The following IQSEC1 variants were observed in gnomAD, a reference collection of about 807,000 sequenced individuals.
IQSEC1 encodes IQ motif and Sec7 domain ArfGEF 1.
A neutral mutation model predicts 91.0 loss-of-function variants in IQSEC1; 31 were observed. The ratio of observed to expected loss-of-function variants is 0.34; its 90% confidence interval spans 0.26 to 0.46. The LOEUF (loss-of-function observed/expected upper bound fraction) is 0.46, where lower values mean the gene tolerates loss of function less well. Among genes scored for constraint, IQSEC1 ranks in the 20% least tolerant of loss-of-function variants. The probability of loss-of-function intolerance (pLI) is 1.00; values close to 1 mark genes in which losing one functional copy is unlikely to be tolerated. For synonymous variants in IQSEC1, 699 were observed against 662.6 expected (o/e 1.05, Z -0.84); for missense variants, 1,388 against 1,575.6 (o/e 0.88, Z 2.02).
intron 1 of IQSEC1, among the ~76,000 whole-genome samples, chr3:13,245,676 A>C (rs1182280692): frequency 6.6e-6 from 1 of 151,862 alleles, no homozygotes; most frequent in African/African-American, 2.4e-5. Context: ...CTGAGGCACG[A>C]GAATCGCTTG....
At chr3:12,910,610 C>T (rs996545264) in intron 10 of IQSEC1, among the ~76,000 whole-genome samples, 3 of 152,208 alleles carry the variant, frequency 2.0e-5, no homozygotes, top group African/African-American at 7.2e-5. Flanking sequence ...GCAGGCATGC[C>T]ATGCCCCTTG....
At chr3:12,980,228 T>C (rs1701387204) in intron 1 of IQSEC1, among the ~76,000 whole-genome samples, 1 of 152,172 alleles carries the variant, frequency 6.6e-6, no homozygotes, top group African/African-American at 2.4e-5. Flanking sequence ...ATGACTCACC[T>C]CCAGGCCACT....
intron 1 of IQSEC1, among the ~76,000 whole-genome samples, chr3:12,976,473 A>T (rs1439343353): frequency 6.6e-6 from 1 of 152,252 alleles, no homozygotes; most frequent in East Asian, 1.9e-4. Context: ...GCCTGGGACC[A>T]GAGCAGAATT....
Position 12,899,113 on chromosome 3 carries a change from T to G in IQSEC1, c.*1870A>C, listed in dbSNP as rs1693947529. 1 of 519,768 alleles carries G rather than the reference T, an allele frequency of 1.9e-6. No individual in the cohort carries two copies. Among genetic ancestry groups the G allele is most frequent in the South Asian group, 2.6e-5 (1 of 38,908 alleles). 32.2% of individuals were successfully genotyped at this position (519,768 alleles called of 1,614,324 possible). On this transcript the variant is annotated 3_prime_UTR_variant, in exon 14 of 14. Transcript: ENST00000613206. Reference sequence around the variant, plus strand: ...CTCTCTCTGGAGATTAACAAAGTGCTTGGTTTGCAGATTTGCTGGTACGGT... The same window carrying G: ...CTCTCTCTGGAGATTAACAAAGTGCGTGGTTTGCAGATTTGCTGGTACGGT...
At chr3:13,018,216 C>T (rs1384969645) in intron 1 of IQSEC1, among the ~76,000 whole-genome samples, 3 of 152,246 alleles carry the variant, frequency 2.0e-5, no homozygotes, top group Admixed American at 6.5e-5. Flanking sequence ...AAGAGGAACG[C>T]CCACTGGCCC....
In IQSEC1 at chr3:12,967,484, G is replaced by A. The variant is rs774307298; in HGVS notation, c.24-25619C>T. On this transcript the variant is annotated intron_variant, in intron 1 of 13. Coordinates refer to ENST00000613206, the MANE Select transcript of IQSEC1 (RefSeq NM_001134382.3). The surrounding 1 kb of genome is among the most constrained non-coding windows in gnomAD (Gnocchi z 5.9). Reference sequence around the variant, plus strand: ...GCAGTGGGAGCGGGCCGGGCCGGGAGCCGGGACCCAGGCCCAGCAGAGGCC... The same window carrying A: ...GCAGTGGGAGCGGGCCGGGCCGGGAACCGGGACCCAGGCCCAGCAGAGGCC... The A allele has an allele frequency of 2.7e-6, 4 of 1,497,832 alleles. No individual in the cohort carries two copies. In the South Asian group the frequency reaches 5.0e-5, roughly 19 times the overall value. 92.8% of individuals were successfully genotyped at this position (1,497,832 alleles called of 1,614,324 possible).
At chr3:12,972,869 T>G (rs1237925184) in intron 1 of IQSEC1, among the ~76,000 whole-genome samples, 1 of 152,148 alleles carries the variant, frequency 6.6e-6, no homozygotes, top group African/African-American at 2.4e-5. Context: ...CTAAGACTGT[T>G]AGATGCAGTA....
chr3:12,938,236 C>G (rs61463921), intron 2 of IQSEC1, among the ~76,000 whole-genome samples: 1 of 152,176 alleles, frequency 6.6e-6, no homozygotes, highest in Non-Finnish European at 1.5e-5. Flanking sequence ...CACATCACAC[C>G]TGGAGGTGGA....
At chr3:13,244,726 T>C (rs1695079670) in intron 1 of IQSEC1, among the ~76,000 whole-genome samples, 1 of 152,190 alleles carries the variant, frequency 6.6e-6, no homozygotes, top group Non-Finnish European at 1.5e-5. Flanking sequence ...GGGAGAGGAC[T>C]GTCAAGGAGT....
Position 12,987,073 on chromosome 3 carries a change from C to T in IQSEC1, c.24-45208G>A, listed in dbSNP as rs534400367. 67 of 388,934 alleles carry T rather than the reference C, an allele frequency of 1.7e-4. No homozygotes were observed. The East Asian group carries it at 4.7e-3, about 27-fold the overall frequency. The allele number at this position is 388,934 out of a possible 1,614,324, so 24.1% of individuals were successfully genotyped here. The stretch of plus-strand genomic sequence containing the variant: ...GCCCACACAGATGAGCTCCCTCAGC[C>T]GTCCCCCATCTGGTGCTGCGGCCAG... On this transcript the variant is annotated intron_variant, in intron 1 of 13. Transcript: ENST00000613206.
chr3:13,194,873 A>G, intron 1 of IQSEC1, among the ~76,000 whole-genome samples: 1 of 152,222 alleles, frequency 6.6e-6, no homozygotes, highest in East Asian at 1.9e-4. Context: ...GCTTAAATGG[A>G]AAATGTCAAT....
chr3:13,021,787 C>T (rs1182598351), intron 1 of IQSEC1, among the ~76,000 whole-genome samples: 1 of 152,226 alleles, frequency 6.6e-6, no homozygotes, highest in Non-Finnish European at 1.5e-5. Flanking sequence ...ACATGCTGCA[C>T]CTGCCCCTGG....
chr3:13,096,776 C>T (rs568915192), intron 2 of IQSEC1, among the ~76,000 whole-genome samples: 6 of 152,172 alleles, frequency 3.9e-5, no homozygotes, highest in Non-Finnish European at 8.8e-5. Flanking sequence ...AGCTACCCTC[C>T]CACCAGTGCT....
intron 1 of IQSEC1, chr3:13,022,268 G>A: frequency 4.1e-6 from 5 of 1,221,234 alleles, no homozygotes; most frequent in Non-Finnish European, 5.1e-6. Context: ...AAAAGAGGAG[G>A]CACTGGCTGC....
intron 1 of IQSEC1, among the ~76,000 whole-genome samples, chr3:13,062,762 A>G (rs1705110926): frequency 1.3e-5 from 2 of 152,184 alleles, no homozygotes; most frequent in Admixed American, 1.3e-4. Context: ...TGAGAGCCTT[A>G]AGATACAGGC....
chr3:13,131,470 A>T, intron 2 of IQSEC1, among the ~76,000 whole-genome samples: 1 of 143,332 alleles, frequency 7.0e-6, no homozygotes, highest in African/African-American at 2.5e-5. Flanking sequence ...TTAGGTTTAA[A>T]TCTATGTCTT....
intron 1 of IQSEC1, among the ~76,000 whole-genome samples, chr3:13,164,765 G>C (rs1693451607): frequency 6.6e-6 from 1 of 152,238 alleles, no homozygotes; most frequent in African/African-American, 2.4e-5. Context: ...CCAAAGGAAA[G>C]GGACTTTGGG....
At chr3:13,188,728 G>A (rs184098508) in intron 1 of IQSEC1, among the ~76,000 whole-genome samples, 9 of 152,334 alleles carry the variant, frequency 5.9e-5, no homozygotes, top group East Asian at 3.9e-4. Flanking sequence ...CTCTTTCACC[G>A]CAGGCCTGGA....
Position 12,899,787 on chromosome 3 carries a change from AAC to A in IQSEC1, c.*1194_*1195del, listed in dbSNP as rs781308203. On this transcript the variant is annotated 3_prime_UTR_variant, in exon 14 of 14. Coordinates refer to ENST00000613206, the MANE Select transcript of IQSEC1 (RefSeq NM_001134382.3). ...AGGTTCGAGAGTGGTTCCTGATGAA[AAC>A]ACTCTCTGAGGGCTTCGGCCTGGTG... 49 of 985,244 alleles carry A rather than the reference AAC, an allele frequency of 5.0e-5. No individual in the cohort carries two copies. The highest frequency in any genetic ancestry group is 5.9e-5 in the Non-Finnish European group (49 of 829,894). The allele number at this position is 985,244 out of a possible 1,614,324, so 61.0% of individuals were successfully genotyped here. A position where few individuals can be genotyped will look rare whatever the true frequency, so the allele number is the denominator to read the frequency against.
Sources: gnomAD v4.1 joint callset for allele counts (sites outside exome capture counted in the v4.1 genomes callset) on GRCh38, gnomAD v4.1.1 for gene constraint, Gnocchi (gnomAD v3.1) non-coding constraint, MANE v1.5 for transcripts, NCBI Gene and HGNC (gene_info 2026-07-23, HGNC 2026-07-21) for gene names.